Variants in TMEM127 observed in about 807,000 individuals in gnomAD.
The protein encoded by TMEM127 is transmembrane protein 127.
Under a neutral mutation model 20.1 loss-of-function variants are expected in TMEM127, and 21 were observed. That is an observed-to-expected ratio of 1.04 (90% CI 0.74 to 1.50). TMEM127 has a LOEUF of 1.50. Among genes scored for constraint, TMEM127 ranks in the 40% most tolerant of loss-of-function variants. The pLI is 0.00. For synonymous variants in TMEM127, 150 were observed against 144.7 expected (o/e 1.04, Z -0.26); for missense variants, 303 against 317.4 (o/e 0.95, Z 0.34).
Position 96,253,617 on chromosome 2 carries a change from C to T in TMEM127, c.*191G>A. 1.6e-6 allele frequency: 1 copy of T among 625,212 alleles called. No individual in the cohort carries two copies. The allele number at this position is 625,212 out of a possible 1,614,324, so 38.7% of individuals were successfully genotyped here. A position where few individuals can be genotyped will look rare whatever the true frequency, so the allele number is the denominator to read the frequency against. Reference sequence around the variant, plus strand: ...AGGGAAAGAGTACATTATAGAAAACCAGTGGACCTCCGGTTCTGAGAGCAG... The same window carrying T: ...AGGGAAAGAGTACATTATAGAAAACTAGTGGACCTCCGGTTCTGAGAGCAG... On this transcript the variant is annotated 3_prime_UTR_variant, in exon 4 of 4. Coordinates refer to ENST00000258439, the MANE Select transcript of TMEM127 (RefSeq NM_017849.4). This position sits in a 1 kb window ranked among gnomAD's most constrained non-coding sequence, Gnocchi z 4.3.
At chr2:96,259,666 A>G (rs531119521) in intron 2 of TMEM127, among the ~76,000 whole-genome samples, 5 of 152,364 alleles carry the variant, frequency 3.3e-5, no homozygotes, top group Non-Finnish European at 7.3e-5. Flanking sequence ...AGGACACCGG[A>G]AAGGCTTGGG....
intron 2 of TMEM127, among the ~76,000 whole-genome samples, chr2:96,261,253 G>C (rs1402639291): frequency 6.6e-6 from 1 of 152,022 alleles, no homozygotes; most frequent in Non-Finnish European, 1.5e-5. Context: ...TGCAGGGGCA[G>C]TGGAGAAAAC....
rs72937658 is a variant in TMEM127 at position 96,264,912 on chromosome 2, C to G, written c.244+226G>C. 2.1e-3 allele frequency among the ~76,000 whole-genome samples: 316 copies of G among 152,306 alleles called. 2 individuals are homozygous for G. Among genetic ancestry groups the G allele is most frequent in the African/African-American group, 7.2e-3 (301 of 41,552 alleles). ...TTCCTCCAGCAGAATCCTAAAATAG[C>G]AGCAGTCCGGATTAACATGGCTGTG... On this transcript the variant is annotated intron_variant, in intron 2 of 3. Transcript: ENST00000258439.
At chr2:96,261,976 T>C (rs1684318917) in intron 2 of TMEM127, among the ~76,000 whole-genome samples, 1 of 152,130 alleles carries the variant, frequency 6.6e-6, no homozygotes, top group Admixed American at 6.5e-5. Flanking sequence ...AGTATCTACA[T>C]GTGGCCAGGA....
At chr2:96,254,176 T>C in intron 3 of TMEM127, 61 bp from the exon 4 acceptor site, 1 of 1,599,022 alleles carries the variant, frequency 6.3e-7, no homozygotes. Flanking sequence ...CTAGGATGCT[T>C]GAGGACCCAA....
intron 2 of TMEM127, among the ~76,000 whole-genome samples, chr2:96,257,745 C>A (rs941658543): frequency 1.3e-5 from 2 of 152,056 alleles, no homozygotes; most frequent in African/African-American, 2.4e-5. Flanking sequence ...GAAACCCTGT[C>A]TCTACTAAAA....
intron 2 of TMEM127, among the ~76,000 whole-genome samples, chr2:96,259,910 C>T (rs1419052425): frequency 1.3e-5 from 2 of 152,242 alleles, no homozygotes; most frequent in African/African-American, 4.8e-5. Context: ...CATGCCTTTC[C>T]TTCTTCTACC....
In TMEM127 at chr2:96,265,456, C is replaced by G; in HGVS notation, c.-75G>C. Reference sequence around the variant, plus strand: ...CCTCCGCGGGGCGCGCAGAGCCTGACAGTCCGGTGGAGGATAGCAACGCTC... The same window carrying G: ...CCTCCGCGGGGCGCGCAGAGCCTGAGAGTCCGGTGGAGGATAGCAACGCTC... On this transcript the variant is annotated 5_prime_UTR_variant, in exon 2 of 4. Coordinates refer to ENST00000258439, the MANE Select transcript of TMEM127 (RefSeq NM_017849.4). The G allele has an allele frequency of 7.7e-7, 1 of 1,298,792 alleles. No homozygotes were observed. Among genetic ancestry groups the G allele is most frequent in the Non-Finnish European group, 9.7e-7 (1 of 1,030,786 alleles). The allele number at this position is 1,298,792 out of a possible 1,614,324, so 80.5% of individuals were successfully genotyped here.
intron 2 of TMEM127, among the ~76,000 whole-genome samples, chr2:96,262,784 C>A (rs922199660): frequency 1.3e-5 from 2 of 151,320 alleles, no homozygotes; most frequent in Non-Finnish European, 2.9e-5. Flanking sequence ...CTCCCAGGTT[C>A]AAGCGATTCT....
chr2:96,254,858 G>A lies in TMEM127; in HGVS notation c.384C>T (p.Arg128=), dbSNP rs755188175. Reference sequence around the variant, plus strand: ...CCGTTAGGATATGGGCGAAGGCATAGCGACGAGTGATCTTCAGAGCAGGAT... The same window carrying A: ...CCGTTAGGATATGGGCGAAGGCATAACGACGAGTGATCTTCAGAGCAGGAT... The part of the protein sequence containing the change: ...PKHPALKITR[R]YAFAHILTVL... Residue 128 remains arginine, a synonymous_variant, in exon 3 of 4, where the codon CGC becomes CGT. Transcript: ENST00000258439. 6 of 1,614,004 alleles carry A rather than the reference G, an allele frequency of 3.7e-6. No homozygotes were observed. The highest frequency in any genetic ancestry group is 1.6e-4 in the Middle Eastern group (1 of 6,080).
Position 96,251,537 on chromosome 2 carries a change from G to T in TMEM127, c.*2271C>A, listed in dbSNP as rs1192149511. 2 of 225,498 alleles carry T rather than the reference G, an allele frequency of 8.9e-6. No individual in the cohort carries two copies. The highest frequency in any genetic ancestry group is 4.5e-5 in the African/African-American group (2 of 44,392). 14.0% of individuals were successfully genotyped at this position (225,498 alleles called of 1,614,324 possible). On this transcript the variant is annotated 3_prime_UTR_variant, in exon 4 of 4. Coordinates refer to ENST00000258439, the MANE Select transcript of TMEM127 (RefSeq NM_017849.4). ...ACTCTTGTCTCAAAAACAAGAAAAAGAAAAAAAAATACAGCCTCATCAACA... is the reference window on the plus strand; with the variant it reads ...ACTCTTGTCTCAAAAACAAGAAAAATAAAAAAAAATACAGCCTCATCAACA...
intron 2 of TMEM127, among the ~76,000 whole-genome samples, chr2:96,260,752 C>T (rs969259645): frequency 1.3e-5 from 2 of 152,256 alleles, no homozygotes; most frequent in African/African-American, 4.8e-5. Context: ...CGCCTCCCTT[C>T]TTGCTGGAGT....
In TMEM127 at chr2:96,265,153, G is replaced by A. The variant is rs1390685113; in HGVS notation, c.229C>T (p.Pro77Ser). The change falls in exon 2 of 4, where the codon CCG (proline) becomes TCG (serine). Residue 77 changes from proline to serine, a missense_variant. Physicochemically the swap from Pro to Ser is moderately conservative, Grantham distance 74. Coordinates refer to ENST00000258439, the MANE Select transcript of TMEM127 (RefSeq NM_017849.4). ...GVSDVLGYVH[P>S]DLLKDFCMNP... The stretch of plus-strand genomic sequence containing the variant: ...GCACCCTCACCTTTCAGCAGGTCCG[G>A]GTGCACATAGCCCAACACGTCGGAG... 7.4e-6 allele frequency: 12 copies of A among 1,611,718 alleles called. No individual in the cohort carries two copies. The highest frequency in any genetic ancestry group is 1.7e-5 in the Admixed American group (1 of 59,908).
At position 96,254,872 on chromosome 2, in the gene TMEM127, T is replaced by C; in HGVS notation, c.370A>G (p.Lys124Glu). The C allele has an allele frequency of 1.2e-6, 2 of 1,614,046 alleles. No individual in the cohort carries two copies. The highest frequency in any genetic ancestry group is 1.7e-6 in the Non-Finnish European group (2 of 1,179,952). Residue 124 changes from lysine (K) to glutamate (E), a missense_variant, in exon 3 of 4, where the codon AAG becomes GAG. Physicochemically the swap from Lys to Glu is moderately conservative, Grantham distance 56 (BLOSUM62 1). Coordinates refer to ENST00000258439, the MANE Select transcript of TMEM127 (RefSeq NM_017849.4). ...GCGAAGGCATAGCGACGAGTGATCT[T>C]CAGAGCAGGATGCTTCGGCCCAAAG... is the stretch of plus-strand genomic sequence containing the variant. ...DVFGPKHPAL[K>E]ITRRYAFAHI...
chr2:96,265,638 G>A (rs1388229500), intron 1 of TMEM127, 126 bp from the exon 2 acceptor site: 2 of 382,700 alleles, frequency 5.2e-6, no homozygotes, highest in Non-Finnish European at 4.5e-6. Context: ...GACAACCGAA[G>A]AGGGCCAGGG....
rs1054229065 is a variant in TMEM127 at position 96,248,935 on chromosome 2, G to A, written c.*4873C>T. On this transcript the variant is annotated 3_prime_UTR_variant, in exon 4 of 4. Transcript: ENST00000258439. The stretch of plus-strand genomic sequence containing the variant: ...TATGAAGCCCCTTACCACCCACTGT[G>A]TTGCTGTCCCACTCAGCTGAAGGGG... 1.7e-5 allele frequency: 4 copies of A among 232,596 alleles called. No homozygotes were observed. The highest frequency in any genetic ancestry group is 2.5e-5 in the Non-Finnish European group (3 of 117,746). 14.4% of individuals were successfully genotyped at this position (232,596 alleles called of 1,614,324 possible). A position where few individuals can be genotyped will look rare whatever the true frequency, so the allele number is the denominator to read the frequency against.
At position 96,253,590 on chromosome 2, in the gene TMEM127, G is replaced by A; in HGVS notation, c.*218C>T. 1.7e-6 allele frequency: 1 copy of A among 579,136 alleles called. No individual in the cohort carries two copies. The highest frequency in any genetic ancestry group is 3.0e-6 in the Non-Finnish European group (1 of 329,762). 35.9% of individuals were successfully genotyped at this position (579,136 alleles called of 1,614,324 possible). On this transcript the variant is annotated 3_prime_UTR_variant, in exon 4 of 4. Transcript: ENST00000258439. This position sits in a 1 kb window ranked among gnomAD's most constrained non-coding sequence, Gnocchi z 4.3. ...AATGTGAAGGGGGCAGGATGTGGCA[G>A]GAGGGAAAGAGTACATTATAGAAAA... is the stretch of plus-strand genomic sequence containing the variant.
rs1684143889 is a variant in TMEM127 at position 96,253,909 on chromosome 2, G to A, written c.616C>T (p.Gln206Ter). 6.2e-7 allele frequency: 1 copy of A among 1,613,976 alleles called. No individual in the cohort carries two copies. The highest frequency in any genetic ancestry group is 8.5e-7 in the Non-Finnish European group (1 of 1,179,852). ...LRHYPTEEEEQALELLSEMEE... is the reference protein window; with the variant it reads ...LRHYPTEEEE The stretch of plus-strand genomic sequence containing the variant: ...ATCTCTGAGAGCAGCTCCAGCGCCT[G>A]CTCCTCTTCCTCTGTGGGGTAGTGG... Residue 206 changes from glutamine to a stop codon, truncating the protein, a stop_gained, in exon 4 of 4, where the codon CAG (glutamine) becomes TAG (stop). Transcript: ENST00000258439. LOFTEE classifies it high-confidence loss of function. The surrounding 1 kb of genome is among the most constrained non-coding windows in gnomAD (Gnocchi z 4.3).
intron 2 of TMEM127, among the ~76,000 whole-genome samples, chr2:96,256,100 G>A (rs548718800): frequency 1.6e-4 from 24 of 151,592 alleles, no homozygotes; most frequent in African/African-American, 2.2e-4. Context: ...GTGAAACCCC[G>A]TCTCTACCAA....
Sources: gnomAD v4.1 joint callset for allele counts (sites outside exome capture counted in the v4.1 genomes callset) on GRCh38, gnomAD v4.1.1 for gene constraint, Gnocchi (gnomAD v3.1) non-coding constraint, MANE v1.5 for transcripts, NCBI Gene and HGNC (gene_info 2026-07-23, HGNC 2026-07-21) for gene names.